Variants in ADK observed in about 807,000 individuals in gnomAD.
ADK encodes the protein N6,N6-dimethyladenosine kinase.
A neutral mutation model predicts 44.7 loss-of-function variants in ADK; 24 were observed. The ratio of observed to expected loss-of-function variants is 0.54; its 90% CI spans 0.39 to 0.76. The LOEUF is 0.76. Among genes scored for constraint, ADK ranks in the 30% least tolerant of loss-of-function variants. The probability of loss-of-function intolerance (pLI) is 0.00; values close to 1 mark genes in which losing one functional copy is unlikely to be tolerated. For missense variants in ADK, 321 were observed against 425.1 expected (o/e 0.76, Z 2.15); for synonymous variants, 128 against 142.6 (o/e 0.90, Z 0.73).
At chr10:74,274,000 G>A (rs1363688670) in intron 3 of ADK, among the ~76,000 whole-genome samples, 1 of 151,942 alleles carries the variant, frequency 6.6e-6, no homozygotes, top group African/African-American at 2.4e-5. Flanking sequence ...TTCTCATCAA[G>A]GACTTAAGAA....
In ADK at chr10:74,577,150, G is replaced by GTGTGTGTGTGTA. The variant is rs796256860; in HGVS notation, c.727-12129_727-12128insGTGTGTGTATGT. On this transcript the variant is annotated intron_variant, in intron 7 of 10. Coordinates refer to ENST00000539909, the MANE Select transcript of ADK (RefSeq NM_006721.4). ...TGTGTGTGTGTGTGTGTGTGTGTGTGTGTAGTCTAACTTGTACATTTGGCC... is the reference window on the plus strand; with the variant it reads ...TGTGTGTGTGTGTGTGTGTGTGTGTGTGTGTGTGTGTATGTAGTCTAACTTGTACATTTGGCC... Among the ~76,000 whole-genome samples, 160 of 149,068 alleles carry GTGTGTGTGTGTA rather than the reference G, an allele frequency of 1.1e-3. 1 individual carries two copies. The highest frequency in any genetic ancestry group is 3.6e-3 in the African/African-American group (142 of 39,340).
At chr10:74,445,683 C>T (rs1845567414) in intron 6 of ADK, among the ~76,000 whole-genome samples, 1 of 152,038 alleles carries the variant, frequency 6.6e-6, no homozygotes, top group South Asian at 2.1e-4. Context: ...CTGATCTGCA[C>T]TGAGGCATTT....
At chr10:74,480,066 C>T (rs1026503394) in intron 6 of ADK, among the ~76,000 whole-genome samples, 3 of 151,746 alleles carry the variant, frequency 2.0e-5, no homozygotes, top group African/African-American at 7.3e-5. Flanking sequence ...CCTCTGTGTT[C>T]TTTTTTTTCT....
intron 10 of ADK, among the ~76,000 whole-genome samples, chr10:74,683,710 A>G (rs1271155417): frequency 6.6e-6 from 1 of 152,222 alleles, no homozygotes; most frequent in African/African-American, 2.4e-5. Context: ...CTGTGCACAA[A>G]AAGTGGAAAT....
intron 9 of ADK, among the ~76,000 whole-genome samples, chr10:74,647,369 G>A (rs1271491671): frequency 6.6e-6 from 1 of 152,008 alleles, no homozygotes; most frequent in African/African-American, 2.4e-5. Context: ...TGTATTTGGG[G>A]GATGCTAAGA....
chr10:74,587,307 A>G (rs979410820), intron 7 of ADK, among the ~76,000 whole-genome samples: 1 of 152,220 alleles, frequency 6.6e-6, no homozygotes, highest in Admixed American at 6.5e-5. Flanking sequence ...ACCAGTTGTC[A>G]AGATCAATAT....
chr10:74,452,052 C>T (rs1845799611), intron 6 of ADK, among the ~76,000 whole-genome samples: 1 of 151,520 alleles, frequency 6.6e-6, no homozygotes, highest in Admixed American at 6.6e-5. Flanking sequence ...CACAAAATTA[C>T]ACAGAAATTA....
intron 3 of ADK, among the ~76,000 whole-genome samples, chr10:74,256,353 T>A (rs762047875): frequency 7.9e-5 from 12 of 152,176 alleles, no homozygotes; most frequent in Admixed American, 3.9e-4. Flanking sequence ...TTTAGCAGAT[T>A]TGGCAAGAAC....
At chr10:74,530,806 T>G (rs1849255944) in intron 7 of ADK, among the ~76,000 whole-genome samples, 2 of 152,124 alleles carry the variant, frequency 1.3e-5, no homozygotes, top group Non-Finnish European at 1.5e-5. Flanking sequence ...GCGCCTGTAA[T>G]CCCAGCTACT....
intron 4 of ADK, among the ~76,000 whole-genome samples, chr10:74,376,932 T>G (rs1554850240): frequency 6.6e-6 from 1 of 152,176 alleles, no homozygotes; most frequent in Non-Finnish European, 1.5e-5. Flanking sequence ...AAACTCAGGT[T>G]TTATTTCTTT....
chr10:74,414,169 A>G (rs987159994), intron 6 of ADK, among the ~76,000 whole-genome samples: 1 of 152,222 alleles, frequency 6.6e-6, no homozygotes, highest in African/African-American at 2.4e-5. Context: ...GAAAATAATG[A>G]CACCATACTC....
At position 74,470,750 on chromosome 10, in the gene ADK, T is replaced by C. The variant is rs1262815560; in HGVS notation, c.556-54506T>C. ...CACTTCATAAGTTGCCTTTTTACTC[T>C]GTTGTTTCCTTTGCTGTGCAATAGT... is the stretch of plus-strand genomic sequence containing the variant. On this transcript the variant is annotated intron_variant, in intron 6 of 10. Transcript: ENST00000539909. Among the ~76,000 whole-genome samples the C allele has an allele frequency of 1.3e-5, 2 of 152,046 alleles. 1 individual carries two copies. Among genetic ancestry groups the C allele is most frequent in the Non-Finnish European group, 2.9e-5 (2 of 68,006 alleles).
chr10:74,634,057 G>T (rs1213735920), intron 9 of ADK, among the ~76,000 whole-genome samples: 1 of 152,162 alleles, frequency 6.6e-6, no homozygotes, highest in Non-Finnish European at 1.5e-5. Flanking sequence ...AAGGCTAAAA[G>T]AACTTAATAA....
At chr10:74,476,436 G>GCC (rs1209208230) in intron 6 of ADK, among the ~76,000 whole-genome samples, 14 of 151,546 alleles carry the variant, frequency 9.2e-5, no homozygotes, top group Non-Finnish European at 1.8e-4. Flanking sequence ...AGGTTGCAGT[G>GCC]AGTCAAGATC....
chr10:74,456,763 A>G (rs574395742), intron 6 of ADK, among the ~76,000 whole-genome samples: 1 of 152,234 alleles, frequency 6.6e-6, no homozygotes, highest in East Asian at 1.9e-4. Context: ...ACAGAAATAA[A>G]GCAGTTCTTT....
intron 4 of ADK, among the ~76,000 whole-genome samples, chr10:74,315,394 C>T (rs1211419848): frequency 6.6e-6 from 1 of 151,978 alleles, no homozygotes; most frequent in Non-Finnish European, 1.5e-5. Flanking sequence ...ATATATCTGT[C>T]TCTATTCCCA....
At chr10:74,162,418 C>G (rs1841927493) in intron 1 of ADK, among the ~76,000 whole-genome samples, 1 of 152,116 alleles carries the variant, frequency 6.6e-6, no homozygotes, top group Non-Finnish European at 1.5e-5. Flanking sequence ...GAAAATACTT[C>G]ACGATTCTTT....
In ADK at chr10:74,317,079, C is replaced by T. The variant is rs186114999; in HGVS notation, c.273+2334C>T. ...CAAATTATGTCAACAAGAAAATGTC[C>T]CCAAAGCTCTTAGGTATTTTGATAT... On this transcript the variant is annotated intron_variant, in intron 4 of 10. Transcript: ENST00000539909. Among the ~76,000 whole-genome samples the T allele has an allele frequency of 2.3e-3, 354 of 152,156 alleles. 1 individual carries two copies. The highest frequency in any genetic ancestry group is 0.013 in the South Asian group (64 of 4,820).
chr10:74,546,005 C>A (rs1239807140), intron 7 of ADK, among the ~76,000 whole-genome samples: 1 of 152,126 alleles, frequency 6.6e-6, no homozygotes, highest in African/African-American at 2.4e-5. Context: ...CAAAAATGAC[C>A]TCTTCATTTC....
Sources: allele counts gnomAD v4.1 joint callset (sites outside exome capture counted in the v4.1 genomes callset), GRCh38; gene constraint gnomAD v4.1.1; transcripts MANE v1.5; gene names NCBI Gene and HGNC (gene_info 2026-07-23, HGNC 2026-07-21).